The following PDE4D variants were observed in gnomAD, a reference collection of about 807,000 sequenced individuals.
PDE4D encodes phosphodiesterase 4D.
In PDE4D, 24 loss-of-function variants were observed where a neutral mutation model predicts 87.4. The ratio of observed to expected loss-of-function variants is 0.27; its 90% CI spans 0.20 to 0.39. PDE4D has a LOEUF of 0.39. Ranked by LOEUF, PDE4D falls within the 10% of genes least tolerant of loss-of-function variation. The pLI, the probability that PDE4D is intolerant of heterozygous loss-of-function variation, is 1.00. For missense variants in PDE4D, 714 were observed against 1,041.0 expected, an observed-to-expected ratio of 0.69 and a Z score of 4.32; for synonymous variants, 384 against 383.2, an observed-to-expected ratio of 1.00 and a Z score of -0.02.
intron 1 of PDE4D, among the ~76,000 whole-genome samples, chr5:59,453,551 G>C (rs1009417443): frequency 1.5e-4 from 23 of 152,238 alleles, no homozygotes; most frequent in African/African-American, 5.1e-4. Context: ...CCTTGTTGCT[G>C]AAGTGGAGAA....
intron 1 of PDE4D, among the ~76,000 whole-genome samples, chr5:59,542,853 C>T (rs1409471964): frequency 1.3e-5 from 2 of 152,120 alleles, no homozygotes; most frequent in Admixed American, 1.3e-4. Context: ...TGCTAGTGGA[C>T]ATCATTCAGG....
At chr5:59,702,479 T>G (rs534588816) in intron 1 of PDE4D, among the ~76,000 whole-genome samples, 1 of 152,054 alleles carries the variant, frequency 6.6e-6, no homozygotes, top group South Asian at 2.1e-4. Context: ...AATAAAAAAA[T>G]TAAAGGAAAG....
intron 1 of PDE4D, among the ~76,000 whole-genome samples, chr5:59,537,049 G>A (rs969086683): frequency 3.3e-5 from 5 of 152,168 alleles, no homozygotes; most frequent in South Asian, 2.1e-4. Flanking sequence ...ATGGTTGTGC[G>A]TGTATGTGCA....
rs764024044 is a variant in PDE4D, at chr5:59,215,901, C to T, written c.523G>A (p.Gly175Arg). Residue 175 changes from glycine (G) to arginine (R), a missense_variant, in exon 2 of 15, where the codon GGG becomes AGG. Gly to Arg is a moderately radical substitution (Grantham distance 125). Around this residue, in one of 7 missense-constraint regions of PDE4D, gnomAD observed 268 missense variants for 272.9 expected, o/e 0.98. Transcript: ENST00000340635. ...PLDPMTSPGS[G>R]LILQANFVHS... ...ACAAAATTTGCTTGGAGAATTAGCCCGGATCCTGGGCTGGTCATGGGATCC... is the reference window on the plus strand; with the variant it reads ...ACAAAATTTGCTTGGAGAATTAGCCTGGATCCTGGGCTGGTCATGGGATCC... The T allele has an allele frequency of 6.2e-6, 10 of 1,613,352 alleles. No individual in the cohort carries two copies. Among genetic ancestry groups the T allele is most frequent in the African/African-American group, 2.7e-5 (2 of 74,886 alleles).
chr5:59,584,896 AGGAACTG>A (rs1561267088), intron 1 of PDE4D, among the ~76,000 whole-genome samples: 1 of 152,224 alleles, frequency 6.6e-6, no homozygotes, highest in African/African-American at 2.4e-5. Flanking sequence ...ACTACGTGCC[AGGAACTG>A]TTTCCAGGAT....
At chr5:59,579,832 A>G (rs1419779492) in intron 1 of PDE4D, among the ~76,000 whole-genome samples, 3 of 152,190 alleles carry the variant, frequency 2.0e-5, no homozygotes, top group African/African-American at 7.2e-5. Flanking sequence ...CTTTCCTAAT[A>G]TATCGTCCAG....
At chr5:60,225,437 G>A (rs1029154730) in intron 1 of PDE4D, among the ~76,000 whole-genome samples, 6 of 148,188 alleles carry the variant, frequency 4.0e-5, no homozygotes, top group African/African-American at 1.2e-4. Flanking sequence ...CAGAACTACA[G>A]GTAAAAGGGA....
intron 1 of PDE4D, among the ~76,000 whole-genome samples, chr5:60,354,678 C>A (rs1435865525): frequency 6.6e-6 from 1 of 152,100 alleles, no homozygotes; most frequent in Non-Finnish European, 1.5e-5. Flanking sequence ...GCATTCTGAA[C>A]CATTTTTAGT....
In PDE4D at chr5:59,141,202, T is replaced by C. The variant is rs143040004; in HGVS notation, c.808+39393A>G. Among the ~76,000 whole-genome samples, 387 of 152,326 alleles carry C rather than the reference T, an allele frequency of 2.5e-3. 1 individual carries two copies. Among genetic ancestry groups the C allele is most frequent in the Admixed American group, 5.2e-3 (79 of 15,294 alleles). ...AATTAGACATCCATTTATTTGTACT[T>C]ACATAATAAAAATATTTCAGAGTAA... On this transcript the variant is annotated intron_variant, in intron 5 of 14. Coordinates refer to ENST00000340635, the MANE Select transcript of PDE4D (RefSeq NM_001104631.2).
intron 2 of PDE4D, among the ~76,000 whole-genome samples, chr5:60,014,856 A>C (rs1034593542): frequency 4.6e-5 from 7 of 152,238 alleles, no homozygotes; most frequent in African/African-American, 1.7e-4. Flanking sequence ...CATTTCTTAC[A>C]GAAAAGGAAG....
At chr5:60,430,147 T>C in intron 1 of PDE4D, 2 of 524,766 alleles carry the variant, frequency 3.8e-6, no homozygotes, top group South Asian at 2.8e-5. Context: ...TTTGAGTGCC[T>C]GAGGGGCACG....
intron 1 of PDE4D, among the ~76,000 whole-genome samples, chr5:59,622,942 C>G (rs546999034): frequency 3.3e-4 from 51 of 152,242 alleles, no homozygotes; most frequent in African/African-American, 1.2e-3. Flanking sequence ...GTTGTGATCA[C>G]CACCCAGTAA....
intron 1 of PDE4D, among the ~76,000 whole-genome samples, chr5:60,427,566 A>G (rs2150105269): frequency 6.6e-6 from 1 of 152,354 alleles, no homozygotes. Context: ...AAATACAAAA[A>G]GTTGAAGATA....
At chr5:59,186,482 G>T (rs1462175152) in intron 3 of PDE4D, among the ~76,000 whole-genome samples, 1 of 152,180 alleles carries the variant, frequency 6.6e-6, no homozygotes, top group African/African-American at 2.4e-5. Flanking sequence ...CCTAGCATTG[G>T]TAATTCAAGA....
chr5:60,032,177 T>G (rs1767308015), intron 2 of PDE4D, among the ~76,000 whole-genome samples: 1 of 152,166 alleles, frequency 6.6e-6, no homozygotes, highest in Non-Finnish European at 1.5e-5. Context: ...TCTTATAGAT[T>G]AGGCTATGTC....
At chr5:59,103,344 G>T (rs1025538028) in intron 5 of PDE4D, among the ~76,000 whole-genome samples, 6 of 152,088 alleles carry the variant, frequency 3.9e-5, no homozygotes, top group African/African-American at 1.4e-4. Flanking sequence ...GAGAAGTGAA[G>T]AATTAAGGGC....
At chr5:59,527,484 T>C (rs748443374) in intron 1 of PDE4D, among the ~76,000 whole-genome samples, 10 of 152,206 alleles carry the variant, frequency 6.6e-5, no homozygotes, top group Non-Finnish European at 1.0e-4. Flanking sequence ...TGGATGAAGT[T>C]TGATGTACTT....
chr5:59,714,422 T>TG (rs1481122298), intron 1 of PDE4D, among the ~76,000 whole-genome samples: 1 of 152,160 alleles, frequency 6.6e-6, no homozygotes, highest in South Asian at 2.1e-4. Context: ...GTGCCTGGCC[T>TG]GGGGGGACAC....
At chr5:59,076,631 G>T (rs1359873008) in intron 5 of PDE4D, among the ~76,000 whole-genome samples, 3 of 152,110 alleles carry the variant, frequency 2.0e-5, no homozygotes, top group East Asian at 1.9e-4. Flanking sequence ...TAAAAGCAAA[G>T]AATTGTTATT....
Sources: allele counts gnomAD v4.1 joint callset (sites outside exome capture counted in the v4.1 genomes callset), GRCh38; gene constraint gnomAD v4.1.1; regional missense constraint gnomAD v4.1.1; transcripts MANE v1.5; gene names NCBI Gene and HGNC (gene_info 2026-07-23, HGNC 2026-07-21).